The following ZNF391 variants were observed in gnomAD, a reference collection of about 807,000 sequenced individuals.
The protein encoded by ZNF391 is zinc finger protein 391.
For missense variants in ZNF391, 375 were observed against 425.5 expected, an observed-to-expected ratio of 0.88 and a Z score of 1.04; for synonymous variants, 126 against 142.1, an observed-to-expected ratio of 0.89 and a Z score of 0.80.
In ZNF391 at chr6:27,400,874, T is replaced by G. The variant is rs930249002; in HGVS notation, c.504T>G (p.Asn168Lys). The G allele has an allele frequency of 6.2e-7, 1 of 1,614,044 alleles. No individual in the cohort carries two copies. The highest frequency in any genetic ancestry group is 8.5e-7 in the Non-Finnish European group (1 of 1,180,030). The change falls in exon 3 of 3, where the codon AAT (asparagine) becomes AAG (lysine). Residue 168 changes from asparagine (N) to lysine (K), a missense_variant. Physicochemically the swap from Asn to Lys is moderately conservative, Grantham distance 94. Coordinates refer to ENST00000244576, the MANE Select transcript of ZNF391 (RefSeq NM_001076781.3). ...CTGGAGAGAAACCTTATGAATGCAA[T>G]GAATGTGGAAAAGCTTTTAGCCGGA... ...THTGEKPYEC[N>K]ECGKAFSRST... is the part of the protein sequence containing the mutation.
chr6:27,392,366 C>T (rs1333742779), intron 1 of ZNF391, among the ~76,000 whole-genome samples: 1 of 152,212 alleles, frequency 6.6e-6, no homozygotes, highest in Non-Finnish European at 1.5e-5. Context: ...AGCAATTCTT[C>T]TGCCTCAGCC....
Position 27,401,029 on chromosome 6 carries a change from C to G in ZNF391, c.659C>G (p.Pro220Arg), listed in dbSNP as rs1761947928. The G allele has an allele frequency of 6.2e-7, 1 of 1,614,060 alleles. No homozygotes were observed. ...QHQRTHTQER[P>R]YKCNECGKAF... ...CAGCGAACTCATACTCAAGAAAGGC[C>G]TTACAAATGTAATGAATGTGGGAAA... Residue 220 changes from proline (P) to arginine (R), a missense_variant, in exon 3 of 3, where the codon CCT becomes CGT. Coordinates refer to ENST00000244576, the MANE Select transcript of ZNF391 (RefSeq NM_001076781.3).
upstream of ZNF391, among the ~76,000 whole-genome samples, chr6:27,384,253 C>T (rs970919885): frequency 2.0e-5 from 3 of 151,888 alleles, no homozygotes; most frequent in African/African-American, 7.3e-5. Context: ...CACTTGAGGC[C>T]AGGAGTTCGA....
upstream of ZNF391, chr6:27,388,634 T>C (rs899356679): frequency 4.1e-5 from 13 of 313,698 alleles, no homozygotes; most frequent in Non-Finnish European, 6.1e-5. Flanking sequence ...TCTCAGCCTC[T>C]CGCATACCAG....
chr6:27,399,168 C>G (rs1324871697), intron 1 of ZNF391, among the ~76,000 whole-genome samples: 1 of 152,046 alleles, frequency 6.6e-6, no homozygotes, highest in Non-Finnish European at 1.5e-5. Flanking sequence ...TTGCTGGGTC[C>G]AAAGCAAGGT....
At chr6:27,375,915 C>T (rs1419965516) in intron 1 of ZNF391, among the ~76,000 whole-genome samples, 1 of 152,094 alleles carries the variant, frequency 6.6e-6, no homozygotes, top group Non-Finnish European at 1.5e-5. Context: ...TCAAAGACAC[C>T]GTTACAGAAT....
At chr6:27,388,354 A>C (rs1761616942), upstream of ZNF391, among the ~76,000 whole-genome samples, 1 of 152,114 alleles carries the variant, frequency 6.6e-6, no homozygotes, top group African/African-American at 2.4e-5. Flanking sequence ...TAGATTGTGC[A>C]ACGGAGCCAG....
chr6:27,378,062 T>C (rs1373420227), intron 1 of ZNF391, among the ~76,000 whole-genome samples: 1 of 152,226 alleles, frequency 6.6e-6, no homozygotes, highest in Non-Finnish European at 1.5e-5. Flanking sequence ...AAATATTGCA[T>C]AATCTGAAGA....
chr6:27,379,648 G>C (rs544723759), intron 1 of ZNF391, among the ~76,000 whole-genome samples: 50 of 152,282 alleles, frequency 3.3e-4, no homozygotes, highest in Middle Eastern at 3.4e-3. Flanking sequence ...TTACCTCCAG[G>C]AATTCAGCAA....
Position 27,402,417 on chromosome 6 carries a change from T to G in ZNF391, c.*970T>G, listed in dbSNP as rs183843204. ...ACTGTTATGCCTTAAATCTTGAGCT[T>G]CTTTCAGGATCCATGATTCTGTGCT... On this transcript the variant is annotated 3_prime_UTR_variant, in exon 3 of 3. Coordinates refer to ENST00000244576, the MANE Select transcript of ZNF391 (RefSeq NM_001076781.3). 6.6e-5 allele frequency: 10 copies of G among 152,298 alleles called. No individual in the cohort carries two copies. Among genetic ancestry groups the G allele is most frequent in the Admixed American group, 2.6e-4 (4 of 15,304 alleles). 9.4% of individuals were successfully genotyped at this position (152,298 alleles called of 1,614,324 possible).
chr6:27,398,241 T>C (rs1229842061), intron 1 of ZNF391, among the ~76,000 whole-genome samples: 2 of 152,214 alleles, frequency 1.3e-5, no homozygotes, highest in African/African-American at 2.4e-5. Context: ...GGAACTGTTA[T>C]ACAGTTCATT....
In ZNF391 at chr6:27,401,517, T is replaced by TAC; in HGVS notation, c.*70_*71insAC. ...ACCTCCCACCACTGAAATATATATA[T>TAC]TTCAAGTATATATATACTTGTTCTA... On this transcript the variant is annotated 3_prime_UTR_variant, in exon 3 of 3. Coordinates refer to ENST00000244576, the MANE Select transcript of ZNF391 (RefSeq NM_001076781.3). The TAC allele has an allele frequency of 1.7e-6, 2 of 1,174,594 alleles. No individual in the cohort carries two copies. The highest frequency in any genetic ancestry group is 2.4e-6 in the Non-Finnish European group (2 of 840,090). 72.8% of individuals were successfully genotyped at this position (1,174,594 alleles called of 1,614,324 possible). A position where few individuals can be genotyped will look rare whatever the true frequency, so the allele number is the denominator to read the frequency against.
upstream of ZNF391, among the ~76,000 whole-genome samples, chr6:27,384,881 G>A (rs1761563340): frequency 6.6e-6 from 1 of 152,096 alleles, no homozygotes; most frequent in Non-Finnish European, 1.5e-5. Context: ...AGCCGGGCAT[G>A]TTGGCGGGTG....
intron 1 of ZNF391, among the ~76,000 whole-genome samples, chr6:27,396,472 C>T (rs1325893083): frequency 2.0e-5 from 3 of 152,106 alleles, no homozygotes; most frequent in Admixed American, 6.5e-5. Flanking sequence ...TGCCTGTAAT[C>T]CCAGCGCTTT....
At position 27,376,615 on chromosome 6, in the gene ZNF391, G is replaced by A. The variant is rs1192935455; in HGVS notation, n.523+1478G>A. 1.3e-5 allele frequency among the ~76,000 whole-genome samples: 2 copies of A among 152,006 alleles called. No individual in the cohort carries two copies. The highest frequency in any genetic ancestry group is 2.9e-5 in the Non-Finnish European group (2 of 68,016). On this transcript the variant is annotated intron_variant and non_coding_transcript_variant, in intron 1 of 2. Transcript: ENST00000477999. The surrounding 1 kb of genome is among the most constrained non-coding windows in gnomAD (Gnocchi z 4.7). ...GTCTCTTCATACTTAAAATAGAAAC[G>A]AAATCAGTTTCCACCCATTGATAAG... is the stretch of plus-strand genomic sequence containing the variant.
At chr6:27,398,028 C>A (rs1022515) in intron 1 of ZNF391, among the ~76,000 whole-genome samples, 2 of 151,970 alleles carry the variant, frequency 1.3e-5, no homozygotes, top group Non-Finnish European at 2.9e-5. Context: ...CAGTTGAAAG[C>A]CATGTTCTTG....
At chr6:27,375,672 C>G (rs1195360077) in intron 1 of ZNF391, among the ~76,000 whole-genome samples, 1 of 152,142 alleles carries the variant, frequency 6.6e-6, no homozygotes, top group East Asian at 1.9e-4. Flanking sequence ...CTGCTATTAA[C>G]CAGACTCAAT....
intron 1 of ZNF391, chr6:27,389,426 T>G: frequency 2.2e-6 from 1 of 456,002 alleles, no homozygotes; most frequent in Non-Finnish European, 4.4e-6. Context: ...TTTACCTGCA[T>G]TAACTCATTT....
chr6:27,400,773 A>C lies in ZNF391; in HGVS notation c.403A>C (p.Lys135Gln). 6.2e-7 allele frequency: 1 copy of C among 1,614,222 alleles called. No homozygotes were observed. The highest frequency in any genetic ancestry group is 8.5e-7 in the Non-Finnish European group (1 of 1,180,040). Residue 135 changes from lysine (K) to glutamine (Q), a missense_variant, in exon 3 of 3, where the codon AAG becomes CAG. Transcript: ENST00000244576. ...LVHSRIHGGE[K>Q]PFECNKCGKS... ...ACACAGTAGAATTCATGGTGGAGAA[A>C]AGCCTTTTGAATGCAACAAATGTGG...
Sources: gnomAD v4.1 joint callset for allele counts (sites outside exome capture counted in the v4.1 genomes callset) on GRCh38, gnomAD v4.1.1 for gene constraint, Gnocchi (gnomAD v3.1) non-coding constraint, MANE v1.5 for transcripts, NCBI Gene and HGNC (gene_info 2026-07-23, HGNC 2026-07-21) for gene names.